SOD2: variants seen among roughly 807,000 people sequenced by gnomAD.
The protein encoded by SOD2 is superoxide dismutase 2, also known as superoxide dismutase [Mn], mitochondrial.
Under a neutral mutation model 27.0 loss-of-function variants are expected in SOD2, and 11 were observed. The observed-to-expected ratio is 0.41, with a 90% CI of 0.26 to 0.67. The LOEUF is 0.67. Ranked by LOEUF, SOD2 falls within the 30% of genes least tolerant of loss-of-function variation. The pLI, the probability that SOD2 is intolerant of heterozygous loss-of-function variation, is 0.34. For missense variants in SOD2, 250 were observed against 274.5 expected (o/e 0.91, Z 0.63); for synonymous variants, 105 against 103.0 (o/e 1.02, Z -0.12).
At chr6:159,753,124 A>G (rs1779880320) in intron 1 of SOD2, among the ~76,000 whole-genome samples, 1 of 152,222 alleles carries the variant, frequency 6.6e-6, no homozygotes. Flanking sequence ...TAATACTGGT[A>G]TAGCCAAGGT....
rs140245669 is a variant in SOD2 at position 159,705,045 on chromosome 6, C to A, written c.-115-12182G>T. Among the ~76,000 whole-genome samples, 1,227 of 152,346 alleles carry A rather than the reference C, an allele frequency of 8.1e-3. 21 individuals carry two copies. Among genetic ancestry groups the A allele is most frequent in the African/African-American group, 0.028 (1,174 of 41,572 alleles). ...GGAGTGGACCTCCAGCAAACTCCAA[C>A]AGACCTGCAGCTGAGGGTCCTGTTA... is the stretch of plus-strand genomic sequence containing the variant. On this transcript the variant is annotated intron_variant, in intron 1 of 2. Transcript: ENST00000401980.
intron 4 of SOD2, among the ~76,000 whole-genome samples, chr6:159,683,520 T>C (rs1780051394): frequency 1.3e-5 from 2 of 152,098 alleles, no homozygotes; most frequent in African/African-American, 2.4e-5. Context: ...ATTATAGCTC[T>C]CTCTACAAAA....
intron 2 of SOD2, among the ~76,000 whole-genome samples, chr6:159,690,268 C>T (rs1780393039): frequency 2.4e-5 from 3 of 123,324 alleles, no homozygotes; most frequent in Non-Finnish European, 3.2e-5. Flanking sequence ...ACCTGCGGGA[C>T]AGACTGAGAT....
chr6:159,739,572 T>C (rs1779119419), intron 1 of SOD2, among the ~76,000 whole-genome samples: 1 of 152,242 alleles, frequency 6.6e-6, no homozygotes, highest in Non-Finnish European at 1.5e-5. Context: ...TTTTAGATTG[T>C]GTAAGAAATC....
At position 159,680,806 on chromosome 6, in the gene SOD2, T is replaced by C. The variant is rs1296272768; in HGVS notation, c.*1687A>G. ...CAAAAAGTAGCCAGGCATGGTAGCA[T>C]GCACCTGTAATCCCAGCTATTCAGG... On this transcript the variant is annotated 3_prime_UTR_variant, in exon 5 of 5. Transcript: ENST00000538183. The C allele has an allele frequency of 6.6e-6, 1 of 151,696 alleles. No homozygotes were observed. Among genetic ancestry groups the C allele is most frequent in the African/African-American group, 2.4e-5 (1 of 41,284 alleles). 9.4% of individuals were successfully genotyped at this position (151,696 alleles called of 1,614,324 possible). A position where few individuals can be genotyped will look rare whatever the true frequency, so the allele number is the denominator to read the frequency against.
chr6:159,700,958 C>A (rs1310474992), intron 1 of SOD2, among the ~76,000 whole-genome samples: 1 of 151,832 alleles, frequency 6.6e-6, no homozygotes, highest in Non-Finnish European at 1.5e-5. Context: ...GGCTTTTAGA[C>A]TGAACTCTAG....
At chr6:159,759,663 C>T (rs905687617) in intron 1 of SOD2, among the ~76,000 whole-genome samples, 3 of 149,006 alleles carry the variant, frequency 2.0e-5, no homozygotes, top group Admixed American at 1.3e-4. Context: ...GAGCGAGCTC[C>T]GTCTCAAAAA....
chr6:159,702,538 G>A (rs1473287683), intron 1 of SOD2, among the ~76,000 whole-genome samples: 1 of 149,452 alleles, frequency 6.7e-6, no homozygotes, highest in Admixed American at 6.8e-5. Context: ...CAGACAATCT[G>A]CCCACCTCCG....
intron 1 of SOD2, among the ~76,000 whole-genome samples, chr6:159,733,334 A>G (rs1258227328): frequency 6.6e-6 from 1 of 152,140 alleles, no homozygotes. Flanking sequence ...TAAAGAGGGA[A>G]GGCAGGGTGC....
In SOD2 at chr6:159,692,835, C is replaced by A. The variant is rs185564053; in HGVS notation, c.52G>T (p.Gly18Trp). Residue 18 changes from glycine to tryptophan, a missense_variant, in exon 2 of 5, where the codon GGG (glycine) becomes TGG (tryptophan). Gly to Trp is a radical substitution (Grantham distance 184). Transcript: ENST00000538183. ...TGCTTCTGCCTGGAGCCCAGATACCCCAAAACCGGAGCCAGCTGCCTGCTG... is the reference window on the plus strand; with the variant it reads ...TGCTTCTGCCTGGAGCCCAGATACCACAAAACCGGAGCCAGCTGCCTGCTG... Reference protein sequence around the residue: ...GTSRQLAPVLGYLGSRQKHSL... With the variant: ...GTSRQLAPVLWYLGSRQKHSL... 7.4e-6 allele frequency: 12 copies of A among 1,612,878 alleles called. No homozygotes were observed. Among genetic ancestry groups the A allele is most frequent in the African/African-American group, 6.7e-5 (5 of 75,036 alleles).
chr6:159,735,673 C>T (rs1344961287), intron 1 of SOD2, among the ~76,000 whole-genome samples: 1 of 152,062 alleles, frequency 6.6e-6, no homozygotes, highest in Non-Finnish European at 1.5e-5. Context: ...TGCTTGAACC[C>T]TGGAGGCGGA....
chr6:159,702,115 T>C (rs1050717534), intron 1 of SOD2, among the ~76,000 whole-genome samples: 3 of 152,188 alleles, frequency 2.0e-5, no homozygotes, highest in Non-Finnish European at 4.4e-5. Context: ...ATAAATCTGA[T>C]GAGCTTAAAC....
intron 1 of SOD2, chr6:159,739,191 CTATTTCT>C: frequency 1.7e-6 from 1 of 598,784 alleles, no homozygotes; most frequent in South Asian, 3.1e-5. Flanking sequence ...ATACTATGAC[CTATTTCT>C]TATATTAACA....
At chr6:159,721,067 ATTTT>A (rs1391204884) in intron 1 of SOD2, among the ~76,000 whole-genome samples, 1 of 142,612 alleles carries the variant, frequency 7.0e-6, no homozygotes, top group Non-Finnish European at 1.5e-5. Context: ...ATTTATTTAT[ATTTT>A]TTAATTTTTT....
intron 1 of SOD2, among the ~76,000 whole-genome samples, chr6:159,698,571 C>CA (rs66652436): frequency 0.016 from 1,547 of 95,596 alleles, 73 homozygotes; most frequent in African/African-American, 0.041. Context: ...GACCTTGTCT[C>CA]AAAAAAAAAA....
chr6:159,696,136 C>G (rs1346399444), upstream of SOD2, among the ~76,000 whole-genome samples: 1 of 152,122 alleles, frequency 6.6e-6, no homozygotes, highest in East Asian at 1.9e-4. Flanking sequence ...CCTCATGTAA[C>G]AAAGATCTGG....
rs1249626994 is a variant in SOD2 at position 159,684,861 on chromosome 6, T to G, written c.516A>C (p.Gly172=). 8 of 1,611,690 alleles carry G rather than the reference T, an allele frequency of 5.0e-6. No individual in the cohort carries two copies. The highest frequency in any genetic ancestry group is 5.9e-6 in the Non-Finnish European group (7 of 1,178,880). Residue 172 remains glycine, a synonymous_variant, in exon 4 of 5, where the codon GGA becomes GGC. Transcript: ENST00000538183. The part of the protein sequence containing the change: ...AACPNQDPLQ[G]TTGLIPLLGI... ...ACAATTTTTAAATCTAACCTGTTGT[T>G]CCTTGCAGTGGATCCTGATTTGGAC...
At chr6:159,755,724 T>G (rs191952042) in intron 1 of SOD2, 566 of 1,232,078 alleles carry the variant, frequency 4.6e-4, no homozygotes, top group African/African-American at 1.6e-3. Flanking sequence ...TACGTTTTGG[T>G]TTTTTTTTGT....
intron 1 of SOD2, among the ~76,000 whole-genome samples, chr6:159,738,008 G>C (rs993521622): frequency 6.6e-6 from 1 of 152,176 alleles, no homozygotes; most frequent in African/African-American, 2.4e-5. Flanking sequence ...AACACCTTGC[G>C]TGACTAGCAG....
Sources: allele counts gnomAD v4.1 joint callset (sites outside exome capture counted in the v4.1 genomes callset), GRCh38; gene constraint gnomAD v4.1.1; transcripts MANE v1.5; gene names NCBI Gene and HGNC (gene_info 2026-07-23, HGNC 2026-07-21).